STRN: variants seen among roughly 807,000 people sequenced by gnomAD.
STRN encodes striatin.
STRN carries 53 observed loss-of-function variants against 96.3 expected under a neutral mutation model. That is an observed-to-expected ratio of 0.55 (90% CI 0.44 to 0.69). The LOEUF (loss-of-function observed/expected upper bound fraction) is 0.69, where lower values mean the gene tolerates loss of function less well. Ranked by LOEUF, STRN falls within the 30% of genes least tolerant of loss-of-function variation. The probability of loss-of-function intolerance (pLI) is 0.00; values close to 1 mark genes in which losing one functional copy is unlikely to be tolerated. For missense variants in STRN, 987 were observed against 963.9 expected, an observed-to-expected ratio of 1.02 and a Z score of -0.32; for synonymous variants, 428 against 355.9, an observed-to-expected ratio of 1.20 and a Z score of -2.28.
Position 36,877,996 on chromosome 2 carries a change from T to C in STRN, c.1218A>G (p.Gly406=), listed in dbSNP as rs369290668. 3 of 1,614,104 alleles carry C rather than the reference T, an allele frequency of 1.9e-6. No individual in the cohort carries two copies. In the African/African-American group the frequency reaches 4.0e-5, roughly 22 times the overall value. Residue 406 remains glycine, a synonymous_variant, in exon 10 of 18, where the codon GGA becomes GGG. Transcript: ENST00000263918. ...CATCTGCTCCCATGATGAATGACTT[T>C]CCAGAAGAAGGAGGAAATGTCAATG... is the stretch of plus-strand genomic sequence containing the variant. ...VEALTFPPSS[G]KSFIMGADEA... is the part of the protein sequence containing the mutation.
rs1290330309 is a variant in STRN at position 36,894,161 on chromosome 2, T to G, written c.796-128A>C. 45 of 1,035,816 alleles carry G rather than the reference T, an allele frequency of 4.3e-5. No homozygotes were observed. In the South Asian group the frequency reaches 9.0e-4, roughly 21 times the overall value. 64.2% of individuals were successfully genotyped at this position (1,035,816 alleles called of 1,614,324 possible). On this transcript the variant is annotated intron_variant, in intron 6 of 17. Transcript: ENST00000263918. ...TAAATAACTGTACTACCTAACTCAGTGAAAATCACATAGTTTTAAAAAATA... is the reference window on the plus strand; with the variant it reads ...TAAATAACTGTACTACCTAACTCAGGGAAAATCACATAGTTTTAAAAAATA...
At chr2:36,878,540 G>T (rs1313821366) in intron 9 of STRN, among the ~76,000 whole-genome samples, 1 of 152,028 alleles carries the variant, frequency 6.6e-6, no homozygotes, top group African/African-American at 2.4e-5. Context: ...ACCTCTGCCG[G>T]CCAGAAGAGG....
chr2:36,846,361 A>T lies in STRN; in HGVS notation c.*3095T>A, dbSNP rs950381145. On this transcript the variant is annotated 3_prime_UTR_variant, in exon 18 of 18. Coordinates refer to ENST00000263918, the MANE Select transcript of STRN (RefSeq NM_003162.4). The stretch of plus-strand genomic sequence containing the variant: ...GTATACTACCTCCAAAAATGAAAAT[A>T]CAAAACAGTAAAATGCACCTATGGT... 3 of 136,634 alleles carry T rather than the reference A, an allele frequency of 2.2e-5. No homozygotes were observed. The highest frequency in any genetic ancestry group is 8.3e-5 in the African/African-American group (3 of 36,156). 8.5% of individuals were successfully genotyped at this position (136,634 alleles called of 1,614,324 possible). A position where few individuals can be genotyped will look rare whatever the true frequency, so the allele number is the denominator to read the frequency against.
At chr2:36,886,476 T>C (rs568957862) in intron 8 of STRN, among the ~76,000 whole-genome samples, 1 of 152,342 alleles carries the variant, frequency 6.6e-6, no homozygotes, top group South Asian at 2.1e-4. Flanking sequence ...CATGAGGCTC[T>C]GGATTTATTA....
In STRN at chr2:36,842,706, G is replaced by A. The variant is rs1009834955; in HGVS notation, c.*6750C>T. On this transcript the variant is annotated 3_prime_UTR_variant, in exon 18 of 18. Transcript: ENST00000263918. ...TAGGGTTTGAGTGATACTTAGAAGC[G>A]AGTCATTTTATGTTTGGTGGGTTTT... Among the ~76,000 whole-genome samples the A allele has an allele frequency of 4.0e-5, 6 of 151,604 alleles. No homozygotes were observed. Among genetic ancestry groups the A allele is most frequent in the Non-Finnish European group, 8.8e-5 (6 of 67,964 alleles).
chr2:36,916,749 A>G (rs182676837), intron 2 of STRN, among the ~76,000 whole-genome samples: 69 of 152,294 alleles, frequency 4.5e-4, no homozygotes, highest in African/African-American at 1.5e-3. Context: ...CTTTTGCTCA[A>G]AAAGAACTGT....
chr2:36,965,761 C>T (rs1482667130), intron 1 of STRN, among the ~76,000 whole-genome samples: 1 of 152,228 alleles, frequency 6.6e-6, no homozygotes, highest in Non-Finnish European at 1.5e-5. Context: ...AGGCCTGACA[C>T]AACTTCTGTT....
intron 1 of STRN, among the ~76,000 whole-genome samples, chr2:36,960,767 T>C (rs1207167866): frequency 2.0e-5 from 3 of 152,172 alleles, no homozygotes; most frequent in East Asian, 3.8e-4. Context: ...TTATAAATAA[T>C]AGTCACAATA....
At chr2:36,855,391 C>T in intron 14 of STRN, 39 bp from the exon 15 acceptor site, 1 of 1,602,374 alleles carries the variant, frequency 6.2e-7, no homozygotes, top group Non-Finnish European at 8.5e-7. Context: ...GCAATTAAAC[C>T]ATCTACTTGA....
chr2:36,852,029 AAC>A (rs1187225937), intron 15 of STRN, among the ~76,000 whole-genome samples: 1 of 152,176 alleles, frequency 6.6e-6, no homozygotes, highest in East Asian at 1.9e-4. Context: ...TATTACAGTG[AAC>A]ACATCAAGGT....
chr2:36,880,829 T>C (rs1351224918), intron 9 of STRN, among the ~76,000 whole-genome samples: 1 of 152,176 alleles, frequency 6.6e-6, no homozygotes, highest in Non-Finnish European at 1.5e-5. Flanking sequence ...CCATATAAAT[T>C]ATGTAAGTTA....
rs944534035 is a variant in STRN at position 36,842,201 on chromosome 2, T to C, written c.*7255A>G. The stretch of plus-strand genomic sequence containing the variant: ...ACGTTGCTTTCCATGTGCTTTTTTT[T>C]CTTAAAGTTTTCAGTTTGGGCATAT... On this transcript the variant is annotated 3_prime_UTR_variant, in exon 18 of 18. Transcript: ENST00000263918. 1.3e-5 allele frequency: 2 copies of C among 152,210 alleles called. No individual in the cohort carries two copies. The highest frequency in any genetic ancestry group is 6.5e-5 in the Admixed American group (1 of 15,272). The allele number at this position is 152,210 out of a possible 1,614,324, so 9.4% of individuals were successfully genotyped here.
Position 36,966,482 on chromosome 2 carries a change from G to T in STRN, c.-19C>A. On this transcript the variant is annotated 5_prime_UTR_variant, in exon 1 of 18. Coordinates refer to ENST00000263918, the MANE Select transcript of STRN (RefSeq NM_003162.4). ...CGTCCATGGCGGCCGCAGATACCCGGGGAGCTGCCCCGGCGCCCAGCAGCG... is the reference window on the plus strand; with the variant it reads ...CGTCCATGGCGGCCGCAGATACCCGTGGAGCTGCCCCGGCGCCCAGCAGCG... 7.0e-7 allele frequency: 1 copy of T among 1,424,386 alleles called. No individual in the cohort carries two copies. Among genetic ancestry groups the T allele is most frequent in the Non-Finnish European group, 9.2e-7 (1 of 1,092,446 alleles). 88.2% of individuals were successfully genotyped at this position (1,424,386 alleles called of 1,614,324 possible).
At chr2:36,949,086 G>A (rs1278695005) in intron 1 of STRN, among the ~76,000 whole-genome samples, 21 of 152,170 alleles carry the variant, frequency 1.4e-4, no homozygotes, top group Admixed American at 1.4e-3. Context: ...CCTTCTCTAC[G>A]TTTATGGCTT....
rs1483202128 is a variant in STRN at position 36,845,538 on chromosome 2, T to C, written c.*3918A>G. 6.6e-6 allele frequency: 1 copy of C among 152,128 alleles called. No individual in the cohort carries two copies. The highest frequency in any genetic ancestry group is 1.5e-5 in the Non-Finnish European group (1 of 68,006). 9.4% of individuals were successfully genotyped at this position (152,128 alleles called of 1,614,324 possible). A position where few individuals can be genotyped will look rare whatever the true frequency, so the allele number is the denominator to read the frequency against. ...CTAAAAATATTTACTAGTTGAATCT[T>C]TACCACATAAGAACTTCATGACATG... is the stretch of plus-strand genomic sequence containing the variant. On this transcript the variant is annotated 3_prime_UTR_variant, in exon 18 of 18. Coordinates refer to ENST00000263918, the MANE Select transcript of STRN (RefSeq NM_003162.4).
intron 4 of STRN, among the ~76,000 whole-genome samples, chr2:36,903,975 G>A (rs1010096712): frequency 6.6e-6 from 1 of 152,088 alleles, no homozygotes; most frequent in Non-Finnish European, 1.5e-5. Context: ...TAGAAAAGCT[G>A]GTTTTACTCA....
In STRN at chr2:36,866,115, C is replaced by G. The variant is rs142504071; in HGVS notation, c.1547+1699G>C. Among the ~76,000 whole-genome samples the G allele has an allele frequency of 6.2e-3, 937 of 152,194 alleles. 9 individuals are homozygous for G. Among genetic ancestry groups the G allele is most frequent in the African/African-American group, 0.02 (841 of 41,514 alleles). On this transcript the variant is annotated intron_variant, in intron 12 of 17. Coordinates refer to ENST00000263918, the MANE Select transcript of STRN (RefSeq NM_003162.4). ...AGACAGGGTATCGCTCGCTCTGTTT[C>G]CCAGGCTGGTGTGCAGTGGCATGAC...
intron 2 of STRN, among the ~76,000 whole-genome samples, chr2:36,917,065 T>A (rs1325880633): frequency 1.4e-4 from 19 of 138,728 alleles, no homozygotes; most frequent in African/African-American, 2.5e-4. Context: ...AAAATAAAAA[T>A]AAATAAAAAA....
chr2:36,865,534 CTT>C (rs1229066442), intron 12 of STRN, among the ~76,000 whole-genome samples: 2 of 151,878 alleles, frequency 1.3e-5, no homozygotes, highest in African/African-American at 4.8e-5. Context: ...TGGTTTTTCT[CTT>C]GTGTGTGATG....
Sources: gnomAD v4.1 joint callset for allele counts (sites outside exome capture counted in the v4.1 genomes callset) on GRCh38, gnomAD v4.1.1 for gene constraint, MANE v1.5 for transcripts, NCBI Gene and HGNC (gene_info 2026-07-23, HGNC 2026-07-21) for gene names.